The following ASIC2 variants were observed in gnomAD, a reference collection of about 807,000 sequenced individuals.
The protein encoded by ASIC2 is acid-sensing ion channel 2.
A neutral mutation model predicts 57.3 loss-of-function variants in ASIC2; 25 were observed. The observed-to-expected ratio is 0.44, with a 90% CI of 0.32 to 0.61. ASIC2 has a LOEUF of 0.61. Ranked by LOEUF, ASIC2 falls within the 20% of genes least tolerant of loss-of-function variation. The probability of loss-of-function intolerance (pLI) is 0.06; values close to 1 mark genes in which losing one functional copy is unlikely to be tolerated. For synonymous variants in ASIC2, 319 were observed against 307.5 expected (o/e 1.04, Z -0.39); for missense variants, 641 against 738.1 (o/e 0.87, Z 1.52).
intron 1 of ASIC2, among the ~76,000 whole-genome samples, chr17:33,688,171 A>C (rs1397550952): frequency 6.6e-6 from 1 of 152,156 alleles, no homozygotes; most frequent in African/African-American, 2.4e-5. Context: ...CTGGCCTCTT[A>C]GTTCAAATGG....
At chr17:33,857,415 C>T (rs1257442920) in intron 1 of ASIC2, among the ~76,000 whole-genome samples, 2 of 152,160 alleles carry the variant, frequency 1.3e-5, no homozygotes, top group South Asian at 2.1e-4. Context: ...AACATTCTGC[C>T]CTGCCTTTTC....
chr17:33,709,783 G>A (rs1908971178), intron 1 of ASIC2, among the ~76,000 whole-genome samples: 1 of 152,196 alleles, frequency 6.6e-6, no homozygotes, highest in Non-Finnish European at 1.5e-5. Context: ...TTAATATGCA[G>A]AGAGACAGAA....
intron 1 of ASIC2, among the ~76,000 whole-genome samples, chr17:33,762,175 C>T (rs1282930476): frequency 6.6e-6 from 1 of 152,132 alleles, no homozygotes; most frequent in African/African-American, 2.4e-5. Flanking sequence ...GGAGGTGGCA[C>T]AGCCCTGGAG....
At chr17:33,714,005 G>T (rs1331765811) in intron 1 of ASIC2, among the ~76,000 whole-genome samples, 1 of 152,014 alleles carries the variant, frequency 6.6e-6, no homozygotes, top group East Asian at 1.9e-4. Flanking sequence ...TCTCACTAAA[G>T]TAGAGCTTCT....
At chr17:33,042,971 G>A (rs1197716547) in intron 3 of ASIC2, among the ~76,000 whole-genome samples, 1 of 151,350 alleles carries the variant, frequency 6.6e-6, no homozygotes, top group Admixed American at 6.6e-5. Context: ...CCATCGCCCA[G>A]GCTGGAGTGC....
At chr17:33,560,170 T>C (rs890498180) in intron 1 of ASIC2, among the ~76,000 whole-genome samples, 1 of 152,146 alleles carries the variant, frequency 6.6e-6, no homozygotes, top group Non-Finnish European at 1.5e-5. Flanking sequence ...GACAGACAGA[T>C]GGACATGTGC....
chr17:33,088,562 CA>C (rs545052357), intron 3 of ASIC2, among the ~76,000 whole-genome samples: 19 of 145,622 alleles, frequency 1.3e-4, no homozygotes, highest in African/African-American at 3.1e-4. Flanking sequence ...ATCCCCTGGC[CA>C]AAAAAAAAAA....
intron 1 of ASIC2, among the ~76,000 whole-genome samples, chr17:33,556,510 T>A (rs538925853): frequency 6.6e-6 from 1 of 152,236 alleles, no homozygotes; most frequent in Non-Finnish European, 1.5e-5. Flanking sequence ...ACTTAGAGCT[T>A]AAATACGTTT....
At chr17:33,100,556 G>A (rs546754039) in intron 2 of ASIC2, among the ~76,000 whole-genome samples, 2 of 152,324 alleles carry the variant, frequency 1.3e-5, no homozygotes, top group East Asian at 3.9e-4. Flanking sequence ...AGCACTTGGT[G>A]ACACTTAATA....
chr17:33,671,281 A>G (rs1011612101), intron 1 of ASIC2, among the ~76,000 whole-genome samples: 4 of 152,174 alleles, frequency 2.6e-5, no homozygotes, highest in African/African-American at 9.7e-5. Context: ...ACACATGTAC[A>G]CACGCACACC....
At chr17:34,059,378 A>G (rs955977685) in intron 1 of ASIC2, among the ~76,000 whole-genome samples, 1 of 152,164 alleles carries the variant, frequency 6.6e-6, no homozygotes, top group African/African-American at 2.4e-5. Flanking sequence ...CTTGCCTGGC[A>G]TTACAGGGAA....
intron 1 of ASIC2, among the ~76,000 whole-genome samples, chr17:34,012,878 A>G (rs766940547): frequency 8.5e-5 from 13 of 152,190 alleles, no homozygotes; most frequent in Non-Finnish European, 1.5e-4. Context: ...GTCAAGCGCT[A>G]GTGTGGGTTC....
intron 1 of ASIC2, among the ~76,000 whole-genome samples, chr17:34,095,730 T>C (rs951310594): frequency 1.4e-5 from 2 of 143,874 alleles, no homozygotes; most frequent in East Asian, 2.0e-4. Flanking sequence ...TAGAGAGATA[T>C]ATATATAATT....
chr17:33,711,514 CTG>C (rs1909035465), intron 1 of ASIC2, among the ~76,000 whole-genome samples: 1 of 152,172 alleles, frequency 6.6e-6, no homozygotes. Flanking sequence ...TTGTATTACT[CTG>C]TTCTCACACT....
chr17:33,152,999 T>C (rs1273663060), intron 1 of ASIC2, among the ~76,000 whole-genome samples: 2 of 152,204 alleles, frequency 1.3e-5, no homozygotes, highest in African/African-American at 4.8e-5. Context: ...GTGGCTTGGA[T>C]GGCTGCAGCT....
rs950671513 is a variant in ASIC2 at position 33,281,847 on chromosome 17, C to G, written c.708+9561G>C. 2.0e-5 allele frequency among the ~76,000 whole-genome samples: 3 copies of G among 152,136 alleles called. No homozygotes were observed. In the South Asian group the frequency reaches 6.2e-4, roughly 32 times the overall value. ...TAAGGGTAAGCAGCTCTCTAACGGC[C>G]ACCCAGCCAACATAATACCTGGCAA... On this transcript the variant is annotated intron_variant, in intron 1 of 9. Coordinates refer to ENST00000225823, the MANE Select transcript of ASIC2 (RefSeq NM_183377.2).
chr17:33,853,989 A>G (rs1824186232), intron 1 of ASIC2, among the ~76,000 whole-genome samples: 1 of 152,318 alleles, frequency 6.6e-6, no homozygotes, highest in South Asian at 2.1e-4. Flanking sequence ...AAGTTGATAC[A>G]TTTGCCCATC....
chr17:33,994,489 C>T (rs1906093891), intron 1 of ASIC2, among the ~76,000 whole-genome samples: 1 of 152,004 alleles, frequency 6.6e-6, no homozygotes, highest in Admixed American at 6.5e-5. Context: ...GTACACTAGG[C>T]AATATCTACT....
intron 1 of ASIC2, among the ~76,000 whole-genome samples, chr17:33,922,561 T>C (rs1915729739): frequency 6.6e-6 from 1 of 152,212 alleles, no homozygotes. Context: ...GAGACATGGA[T>C]ATGTTGATGA....
Sources: gnomAD v4.1 joint callset for allele counts (sites outside exome capture counted in the v4.1 genomes callset) on GRCh38, gnomAD v4.1.1 for gene constraint, MANE v1.5 for transcripts, NCBI Gene and HGNC (gene_info 2026-07-23, HGNC 2026-07-21) for gene names.